The following EYS variants were observed in gnomAD, a reference collection of about 807,000 sequenced individuals.
EYS encodes the protein protein eyes shut homolog.
A neutral mutation model predicts 282.1 loss-of-function variants in EYS; 250 were observed. That is an observed-to-expected ratio of 0.89 (90% CI 0.80 to 0.98). EYS has a LOEUF of 0.98. Among genes scored for constraint, EYS ranks in the 50% least tolerant of loss-of-function variants. EYS has a pLI of 0.00. For synonymous variants in EYS, 1,355 were observed against 1,282.9 expected (o/e 1.06, Z -1.20); for missense variants, 4,016 against 3,709.0 (o/e 1.08, Z -2.15).
chr6:63,936,391 C>A (rs1674881605), intron 35 of EYS, among the ~76,000 whole-genome samples: 1 of 152,344 alleles, frequency 6.6e-6, no homozygotes. Flanking sequence ...CCTGGATCAT[C>A]ATTGTTCATA....
rs1157669161 is a variant in EYS, at chr6:65,295,938, C to T, written c.1948G>A (p.Ala650Thr). Residue 650 changes from alanine to threonine, a missense_variant, in exon 12 of 43, where the codon GCG (alanine) becomes ACG (threonine). By Grantham distance (58) the Ala-to-Thr change is moderately conservative. Coordinates refer to ENST00000503581, the MANE Select transcript of EYS (RefSeq NM_001142800.2). ...CEIDTEDCKSASCKNGTTSTH... is the reference protein window; with the variant it reads ...CEIDTEDCKSTSCKNGTTSTH... ...CTAGTTGTTCCATTTTTGCAGGACG[C>T]AGATTTGCAGTCTTCAGTATCTATC... 6 of 1,550,756 alleles carry T rather than the reference C, an allele frequency of 3.9e-6. No homozygotes were observed. The highest frequency in any genetic ancestry group is 2.4e-5 in the East Asian group (1 of 40,910).
intron 13 of EYS, among the ~76,000 whole-genome samples, chr6:65,046,341 T>G (rs918854218): frequency 2.6e-5 from 4 of 151,890 alleles, no homozygotes; most frequent in African/African-American, 7.2e-5. Context: ...AGTGATAAAT[T>G]TATTAGCTCA....
intron 12 of EYS, among the ~76,000 whole-genome samples, chr6:65,192,149 G>T (rs1225033049): frequency 6.6e-6 from 1 of 151,414 alleles, no homozygotes; most frequent in Non-Finnish European, 1.5e-5. Context: ...TAATGATTAG[G>T]CTTTTGATTT....
At chr6:65,369,650 A>G (rs1182931166) in intron 8 of EYS, among the ~76,000 whole-genome samples, 3 of 151,394 alleles carry the variant, frequency 2.0e-5, no homozygotes, top group Non-Finnish European at 4.4e-5. Context: ...TTTTTCAACC[A>G]CAACGATATT....
chr6:64,565,337 C>T (rs1336945475), intron 26 of EYS, among the ~76,000 whole-genome samples: 3 of 151,860 alleles, frequency 2.0e-5, no homozygotes, highest in Admixed American at 1.3e-4. Context: ...ACATTTAAGT[C>T]TTAAATTCAT....
chr6:63,758,924 G>A (rs919949423), intron 41 of EYS, among the ~76,000 whole-genome samples: 8 of 152,020 alleles, frequency 5.3e-5, no homozygotes, highest in Non-Finnish European at 1.2e-4. Flanking sequence ...TAGCAACCAA[G>A]TCCTATTTGT....
intron 28 of EYS, among the ~76,000 whole-genome samples, chr6:64,390,015 T>C (rs200526338): frequency 0.69 from 100,067 of 146,002 alleles, 34,366 homozygotes; most frequent in Non-Finnish European, 0.71. Flanking sequence ...GGGTGATGGA[T>C]GGCACCTGGA....
intron 1 of EYS, among the ~76,000 whole-genome samples, chr6:65,656,384 C>G (rs1767828766): frequency 6.6e-6 from 1 of 151,776 alleles, no homozygotes; most frequent in Non-Finnish European, 1.5e-5. Context: ...AACAGTTAAC[C>G]AAGTTATGAA....
chr6:65,576,165 T>C (rs1764659523), intron 2 of EYS, among the ~76,000 whole-genome samples: 1 of 152,006 alleles, frequency 6.6e-6, no homozygotes, highest in Non-Finnish European at 1.5e-5. Context: ...TGAACATACG[T>C]GCAAATTCCT....
intron 30 of EYS, among the ~76,000 whole-genome samples, chr6:64,238,988 T>A (rs1486567135): frequency 1.3e-5 from 2 of 152,088 alleles, no homozygotes; most frequent in East Asian, 3.9e-4. Flanking sequence ...CACTTATGAG[T>A]GAGAATATGT....
intron 10 of EYS, 134 bp from the exon 11 acceptor site, chr6:65,335,280 T>TGGCCGGGCGCGGTGGCTC: frequency 1.4e-6 from 1 of 722,284 alleles, no homozygotes; most frequent in Middle Eastern, 3.3e-4. Flanking sequence ...AAACAGAAGG[T>TGGCCGGGCGCGGTGGCTC]AACTATTGGA....
At chr6:63,948,201 G>A (rs1437492061) in intron 35 of EYS, among the ~76,000 whole-genome samples, 1 of 152,070 alleles carries the variant, frequency 6.6e-6, no homozygotes, top group Non-Finnish European at 1.5e-5. Context: ...ATCATACTTG[G>A]CTGCACAGAA....
At chr6:64,701,123 G>T (rs1257022165) in intron 22 of EYS, among the ~76,000 whole-genome samples, 1 of 152,098 alleles carries the variant, frequency 6.6e-6, no homozygotes, top group Admixed American at 6.6e-5. Flanking sequence ...ACTGGAAAAA[G>T]GATACCCTAT....
At position 63,920,680 on chromosome 6, in the gene EYS, G is replaced by T. The variant is rs138685467; in HGVS notation, c.7056-56322C>A. On this transcript the variant is annotated intron_variant, in intron 35 of 42. Transcript: ENST00000503581. The stretch of plus-strand genomic sequence containing the variant: ...GACAGGACCCTGACTGCTGTAAGGG[G>T]AGTACTTTCCAAAAAAACAAACTTT... Among the ~76,000 whole-genome samples, 49 of 152,268 alleles carry T rather than the reference G, an allele frequency of 3.2e-4. 2 individuals are homozygous for T. The highest frequency in any genetic ancestry group is 6.8e-3 in the Middle Eastern group (2 of 294).
chr6:65,410,598 C>CTTTT (rs375882636), intron 5 of EYS, among the ~76,000 whole-genome samples: 1 of 133,526 alleles, frequency 7.5e-6, no homozygotes, highest in East Asian at 2.2e-4. Context: ...ATGATACTAG[C>CTTTT]TTTTTTTTTT....
chr6:63,781,307 G>A (rs143130250), intron 39 of EYS, among the ~76,000 whole-genome samples: 35,328 of 152,094 alleles, frequency 0.23, 5,006 homozygotes, highest in Admixed American at 0.33. Flanking sequence ...TAGCTTGATG[G>A]GGATGACATT....
At position 65,691,002 on chromosome 6, in the gene EYS, T is replaced by C. The variant is rs779614689; in HGVS notation, c.-448+16133A>G. On this transcript the variant is annotated intron_variant, in intron 1 of 42. Transcript: ENST00000503581. The stretch of plus-strand genomic sequence containing the variant: ...TATCATTGATGGGCATTTGGGTTGG[T>C]TCCAAGTCTTTGCTATTGTGAATAG... 1.5e-4 allele frequency among the ~76,000 whole-genome samples: 23 copies of C among 150,370 alleles called. 2 individuals are homozygous for C. Among genetic ancestry groups the C allele is most frequent in the Non-Finnish European group, 3.2e-4 (22 of 67,738 alleles).
intron 36 of EYS, among the ~76,000 whole-genome samples, chr6:63,842,007 TTGA>T (rs1771973820): frequency 6.6e-6 from 1 of 152,222 alleles, no homozygotes; most frequent in Non-Finnish European, 1.5e-5. Context: ...CAGTCTATCA[TTGA>T]TGGGCATTCA....
intron 27 of EYS, among the ~76,000 whole-genome samples, chr6:64,438,178 A>G (rs1774814724): frequency 6.6e-6 from 1 of 151,768 alleles, no homozygotes; most frequent in Admixed American, 6.6e-5. Flanking sequence ...AAAGGTTCTT[A>G]TAACACTTAC....
Sources: gnomAD v4.1 joint callset for allele counts (sites outside exome capture counted in the v4.1 genomes callset) on GRCh38, gnomAD v4.1.1 for gene constraint, MANE v1.5 for transcripts, NCBI Gene and HGNC (gene_info 2026-07-23, HGNC 2026-07-21) for gene names.